Variants in BAZ2B observed in about 807,000 individuals in gnomAD.
BAZ2B encodes the protein bromodomain adjacent to zinc finger domain protein 2B.
In BAZ2B, 91 loss-of-function variants were observed where a neutral mutation model predicts 246.0. The observed-to-expected ratio is 0.37, with a 90% CI of 0.31 to 0.44. BAZ2B has a LOEUF of 0.44. BAZ2B is among the 20% of genes least tolerant of loss of function. The pLI is 1.00. For missense variants in BAZ2B, 2,332 were observed against 2,533.7 expected (o/e 0.92, Z 1.71); for synonymous variants, 855 against 860.0 (o/e 0.99, Z 0.10).
intron 27 of BAZ2B, among the ~76,000 whole-genome samples, chr2:159,353,945 C>T (rs538950043): frequency 1.3e-5 from 2 of 152,220 alleles, no homozygotes; most frequent in Non-Finnish European, 2.9e-5. Context: ...ATATCCAGCA[C>T]CCAACAAGGT....
At chr2:159,593,678 C>G (rs573747832) in intron 1 of BAZ2B, among the ~76,000 whole-genome samples, 10 of 152,286 alleles carry the variant, frequency 6.6e-5, no homozygotes, top group Non-Finnish European at 1.3e-4. Context: ...CAAATCATCC[C>G]TTTGTCCAGC....
At chr2:159,475,823 G>A (rs2078470196) in intron 3 of BAZ2B, among the ~76,000 whole-genome samples, 1 of 152,162 alleles carries the variant, frequency 6.6e-6, no homozygotes, top group Non-Finnish European at 1.5e-5. Flanking sequence ...CTACAGGTCT[G>A]CTGGAGGTCC....
chr2:159,513,359 T>C (rs1462278913), intron 2 of BAZ2B, among the ~76,000 whole-genome samples: 1 of 152,182 alleles, frequency 6.6e-6, no homozygotes, highest in Non-Finnish European at 1.5e-5. Flanking sequence ...GCTCTCAAAT[T>C]TCACTATAAA....
chr2:159,650,233 G>GT, the BAZ2B span, among the ~76,000 whole-genome samples: 10 of 148,602 alleles, frequency 6.7e-5, no homozygotes, highest in East Asian at 5.9e-4. Context: ...ATGCCTGCTA[G>GT]TTTTTTTTAC....
intron 13 of BAZ2B, among the ~76,000 whole-genome samples, chr2:159,422,208 C>T (rs1423179881): frequency 6.6e-6 from 1 of 152,118 alleles, no homozygotes; most frequent in Non-Finnish European, 1.5e-5. Context: ...CCTATCAAAC[C>T]ATCAACGTAA....
intron 1 of BAZ2B, among the ~76,000 whole-genome samples, chr2:159,571,340 T>G (rs1683962980): frequency 1.3e-5 from 2 of 152,226 alleles, no homozygotes; most frequent in South Asian, 4.1e-4. Context: ...ATCTAGGATG[T>G]GTAGATATAT....
At chr2:159,710,212 CTTT>C in the BAZ2B span, among the ~76,000 whole-genome samples, 1 of 143,730 alleles carries the variant, frequency 7.0e-6, no homozygotes, top group Admixed American at 7.0e-5. Flanking sequence ...AGCAAAATGT[CTTT>C]TTTTTTTTTT....
intron 25 of BAZ2B, among the ~76,000 whole-genome samples, chr2:159,380,549 A>C (rs2061880681): frequency 6.6e-6 from 1 of 152,200 alleles, no homozygotes; most frequent in Non-Finnish European, 1.5e-5. Context: ...ATCCTCTGGA[A>C]GGCCTTCTTA....
At position 159,584,846 on chromosome 2, in the gene BAZ2B, A is replaced by G. The variant is rs141090996; in HGVS notation, c.-45-28981T>C. On this transcript the variant is annotated intron_variant, in intron 1 of 36. Coordinates refer to ENST00000392783, the MANE Select transcript of BAZ2B (RefSeq NM_013450.4). ...CCATACCCTTGGTATTGTTGTTGCAATAGTGAGTTCTTGGGAGATCTAGTC... is the reference window on the plus strand; with the variant it reads ...CCATACCCTTGGTATTGTTGTTGCAGTAGTGAGTTCTTGGGAGATCTAGTC... Among the ~76,000 whole-genome samples, 142 of 152,272 alleles carry G rather than the reference A, an allele frequency of 9.3e-4. 1 individual carries two copies. The highest frequency in any genetic ancestry group is 1.9e-3 in the Non-Finnish European group (126 of 68,016).
chr2:159,475,764 G>A (rs893366317), intron 3 of BAZ2B, among the ~76,000 whole-genome samples: 24 of 152,104 alleles, frequency 1.6e-4, no homozygotes, highest in African/African-American at 5.1e-4. Flanking sequence ...TGTTGATATT[G>A]ATGCTATTCC....
At chr2:159,447,162 G>A (rs1033991724) in intron 5 of BAZ2B, among the ~76,000 whole-genome samples, 187 bp from the exon 6 acceptor site, 2 of 152,074 alleles carry the variant, frequency 1.3e-5, no homozygotes, top group African/African-American at 4.8e-5. Flanking sequence ...GGGACAAAGT[G>A]AAAACTGATC....
intron 27 of BAZ2B, among the ~76,000 whole-genome samples, chr2:159,363,906 C>T (rs1227745152): frequency 6.6e-6 from 1 of 152,124 alleles, no homozygotes; most frequent in Admixed American, 6.6e-5. Context: ...GAGCTTCATC[C>T]ACACAAACTG....
At chr2:159,531,234 C>T (rs2085347262) in intron 2 of BAZ2B, among the ~76,000 whole-genome samples, 3 of 152,094 alleles carry the variant, frequency 2.0e-5, no homozygotes, top group Non-Finnish European at 4.4e-5. Context: ...CTCTCTGACC[C>T]TTACTTTCCT....
At chr2:159,404,598 C>A in intron 16 of BAZ2B, 1 of 364,088 alleles carries the variant, frequency 2.7e-6, no homozygotes, top group Non-Finnish European at 4.8e-6. Context: ...TCAACTTATA[C>A]AAAGTCTACC....
At chr2:159,676,206 T>C in the BAZ2B span, among the ~76,000 whole-genome samples, 1 of 151,984 alleles carries the variant, frequency 6.6e-6, no homozygotes. Flanking sequence ...GCTAATTTTT[T>C]TTTTTTAGTA....
intron 4 of BAZ2B, among the ~76,000 whole-genome samples, chr2:159,450,378 G>GAAAAAAAAAAAAAAAAAAAAAAAA (rs35106931): frequency 7.9e-6 from 1 of 125,816 alleles, no homozygotes; most frequent in Non-Finnish European, 1.6e-5. Context: ...CTCTCTCAAA[G>GAAAAAAAAAAAAAAAAAAAAAAAA]AAAAAAAAAA....
chr2:159,700,760 T>C, the BAZ2B span, among the ~76,000 whole-genome samples: 4 of 152,202 alleles, frequency 2.6e-5, no homozygotes, highest in African/African-American at 9.7e-5. Flanking sequence ...TTGTTGTTTC[T>C]TATTGTTTTT....
intron 31 of BAZ2B, among the ~76,000 whole-genome samples, chr2:159,346,469 C>T (rs2067828431): frequency 6.6e-6 from 1 of 152,044 alleles, no homozygotes; most frequent in African/African-American, 2.4e-5. Context: ...TTTTGGGAGG[C>T]CAAAGTGGGT....
chr2:159,704,482 C>CTTTTTTTTTT, the BAZ2B span, among the ~76,000 whole-genome samples: 4 of 117,014 alleles, frequency 3.4e-5, no homozygotes, highest in Non-Finnish European at 5.1e-5. Context: ...CTTTCTTTTT[C>CTTTTTTTTTT]TTTTTTTTTT....
Sources: allele counts gnomAD v4.1 joint callset (sites outside exome capture counted in the v4.1 genomes callset), GRCh38; gene constraint gnomAD v4.1.1; transcripts MANE v1.5; gene names NCBI Gene and HGNC (gene_info 2026-07-23, HGNC 2026-07-21).